The following CCSER1 variants were observed in gnomAD, a reference collection of about 807,000 sequenced individuals.
The protein encoded by CCSER1 is coiled-coil serine rich protein 1.
A neutral mutation model predicts 82.0 loss-of-function variants in CCSER1; 41 were observed. That is an observed-to-expected ratio of 0.50 (90% confidence interval 0.39 to 0.65). The LOEUF (loss-of-function observed/expected upper bound fraction) is 0.65, where lower values mean the gene tolerates loss of function less well. CCSER1 is among the 30% of genes least tolerant of loss of function. The pLI is 0.00. For synonymous variants in CCSER1, 414 were observed against 383.9 expected (o/e 1.08, Z -0.92); for missense variants, 1,119 against 1,064.2 (o/e 1.05, Z -0.72).
At position 91,064,526 on chromosome 4, in the gene CCSER1, G is replaced by A. The variant is rs185046205; in HGVS notation, c.2173-21424G>A. On this transcript the variant is annotated intron_variant, in intron 9 of 10. Transcript: ENST00000509176. ...AACACTTATGCAGTGTTTCTGCCCA[G>A]GAGAGTCTGCTGTTGACTGAGTTCA... Among the ~76,000 whole-genome samples, 94 of 152,348 alleles carry A rather than the reference G, an allele frequency of 6.2e-4. 1 individual carries two copies. Among genetic ancestry groups the A allele is most frequent in the Non-Finnish European group, 1.3e-4 (9 of 68,034 alleles).
intron 4 of CCSER1, among the ~76,000 whole-genome samples, chr4:90,453,098 C>T (rs1761695686): frequency 6.6e-6 from 1 of 152,158 alleles, no homozygotes; most frequent in African/African-American, 2.4e-5. Context: ...CCTTCTCAAA[C>T]AGGTGGGGGC....
chr4:90,135,280 C>T (rs1440188553), intron 1 of CCSER1, among the ~76,000 whole-genome samples: 1 of 152,086 alleles, frequency 6.6e-6, no homozygotes, highest in Non-Finnish European at 1.5e-5. Context: ...ATATTTTGCC[C>T]TGTATCTTGA....
At chr4:90,903,998 C>T (rs1417891757) in intron 8 of CCSER1, among the ~76,000 whole-genome samples, 5 of 151,626 alleles carry the variant, frequency 3.3e-5, no homozygotes, top group Non-Finnish European at 7.4e-5. Flanking sequence ...TTTTTTTTGA[C>T]AGGAAACAAA....
chr4:90,780,269 A>C (rs1416564054), intron 7 of CCSER1, among the ~76,000 whole-genome samples: 2 of 152,168 alleles, frequency 1.3e-5, no homozygotes. Flanking sequence ...TCCAAAAAGG[A>C]GATAGACCAG....
intron 7 of CCSER1, among the ~76,000 whole-genome samples, chr4:90,732,796 C>T (rs1239066777): frequency 6.6e-6 from 1 of 152,118 alleles, no homozygotes; most frequent in African/African-American, 2.4e-5. Flanking sequence ...TTCTTACTTT[C>T]CTTGGCATAT....
intron 8 of CCSER1, among the ~76,000 whole-genome samples, chr4:90,918,943 C>G (rs1476244285): frequency 6.6e-6 from 1 of 151,558 alleles, no homozygotes; most frequent in Non-Finnish European, 1.5e-5. Flanking sequence ...TTGTGTTTAA[C>G]TCTATGTTGA....
chr4:91,096,094 C>T (rs138782747), intron 10 of CCSER1, among the ~76,000 whole-genome samples: 93 of 152,256 alleles, frequency 6.1e-4, no homozygotes, highest in African/African-American at 2.1e-3. Flanking sequence ...AGGAGGTCAG[C>T]AGAGGTGAAA....
intron 10 of CCSER1, among the ~76,000 whole-genome samples, chr4:91,522,357 G>C (rs1760522830): frequency 6.6e-6 from 1 of 152,154 alleles, no homozygotes; most frequent in African/African-American, 2.4e-5. Flanking sequence ...TCTTGGCTAT[G>C]TGAGCTCTAT....
chr4:90,628,292 C>T (rs1045292557), intron 6 of CCSER1, 60 bp downstream of exon 6: 218 of 1,347,566 alleles, frequency 1.6e-4, no homozygotes, highest in Non-Finnish European at 2.1e-4. Flanking sequence ...AGTCTGCAGA[C>T]GTGGTTAGAC....
intron 10 of CCSER1, among the ~76,000 whole-genome samples, chr4:91,119,065 A>G (rs1478437526): frequency 1.3e-5 from 2 of 152,164 alleles, no homozygotes; most frequent in South Asian, 2.1e-4. Context: ...TGCAGTTTTG[A>G]TATTCATGTA....
At chr4:90,858,294 T>G (rs561873157) in intron 8 of CCSER1, among the ~76,000 whole-genome samples, 1 of 152,140 alleles carries the variant, frequency 6.6e-6, no homozygotes. Flanking sequence ...GAAAGAAATA[T>G]TCACCTCAGT....
intron 10 of CCSER1, among the ~76,000 whole-genome samples, chr4:91,116,883 A>C (rs1726665167): frequency 6.6e-6 from 1 of 152,192 alleles, no homozygotes; most frequent in Non-Finnish European, 1.5e-5. Flanking sequence ...TGGGTTTAAA[A>C]ATTACTTAAA....
chr4:91,039,189 A>G (rs1001749729), intron 9 of CCSER1, among the ~76,000 whole-genome samples: 65 of 148,898 alleles, frequency 4.4e-4, no homozygotes, highest in African/African-American at 1.4e-3. Flanking sequence ...ACCATGTCCA[A>G]CTTTTTCTTT....
At chr4:91,134,917 G>T (rs894225418) in intron 10 of CCSER1, among the ~76,000 whole-genome samples, 22 of 151,970 alleles carry the variant, frequency 1.4e-4, no homozygotes, top group Admixed American at 1.4e-3. Flanking sequence ...AAAATTAGCT[G>T]GATGTGGTGG....
intron 1 of CCSER1, among the ~76,000 whole-genome samples, chr4:90,215,903 G>T (rs1333643474): frequency 2.6e-5 from 4 of 152,212 alleles, no homozygotes; most frequent in African/African-American, 9.6e-5. Flanking sequence ...GCCTGCACAG[G>T]GTCAGGATGT....
rs1043683405 is a variant in CCSER1 at position 91,598,560 on chromosome 4, G to T, written c.2218-12G>T. ...TTTTAAGACATCTTTTTCTTTCTGT[G>T]TCTTACCATAGGCTACATATCGAAA... On this transcript the variant is annotated splice_polypyrimidine_tract_variant and intron_variant, in intron 10 of 10. Coordinates refer to ENST00000509176, the MANE Select transcript of CCSER1 (RefSeq NM_001145065.2). 1.3e-6 allele frequency: 2 copies of T among 1,534,992 alleles called. No homozygotes were observed. The highest frequency in any genetic ancestry group is 4.1e-5 in the Admixed American group (2 of 48,196).
intron 10 of CCSER1, among the ~76,000 whole-genome samples, chr4:91,095,814 G>T (rs1448251110): frequency 1.3e-5 from 2 of 151,778 alleles, no homozygotes; most frequent in Non-Finnish European, 2.9e-5. Context: ...CTCCATATCT[G>T]GTCCTTCATT....
At chr4:91,153,757 G>C (rs950961669) in intron 10 of CCSER1, among the ~76,000 whole-genome samples, 3 of 151,944 alleles carry the variant, frequency 2.0e-5, no homozygotes, top group Non-Finnish European at 2.9e-5. Flanking sequence ...AGGTCTGTTG[G>C]AGTTTGCTGG....
intron 5 of CCSER1, among the ~76,000 whole-genome samples, chr4:90,621,180 A>T (rs1722260190): frequency 6.6e-6 from 1 of 152,102 alleles, no homozygotes; most frequent in African/African-American, 2.4e-5. Flanking sequence ...ATTCCAGGCA[A>T]TATATCAAGA....
Sources: allele counts gnomAD v4.1 joint callset (sites outside exome capture counted in the v4.1 genomes callset), GRCh38; gene constraint gnomAD v4.1.1; transcripts MANE v1.5; gene names NCBI Gene and HGNC (gene_info 2026-07-23, HGNC 2026-07-21).